ZNF814: variants seen among roughly 807,000 people sequenced by gnomAD.
The protein encoded by ZNF814 is zinc finger protein 814.
A neutral mutation model predicts 7.5 loss-of-function variants in ZNF814; 5 were observed. The observed-to-expected ratio is 0.67, with a 90% CI of 0.35 to 1.40. The LOEUF (loss-of-function observed/expected upper bound fraction) is 1.40. Among genes scored for constraint, ZNF814 ranks in the 40% most tolerant of loss-of-function variants. ZNF814 has a pLI of 0.04. For synonymous variants in ZNF814, 315 were observed against 340.7 expected (o/e 0.92, Z 0.83); for missense variants, 962 against 1,018.0 (o/e 0.94, Z 0.75).
Position 57,873,488 on chromosome 19 carries a change from A to T in ZNF814, c.1902T>A (p.Cys634Ter). ...RMHTGERPYKCGDCGKSFNEK... is the reference protein window; with the variant it reads ...RMHTGERPYK ...CATTAAAAGATTTCCCACAGTCTCCACACTTGTAAGGTCTTTCTCCAGTGT... is the reference window on the plus strand; with the variant it reads ...CATTAAAAGATTTCCCACAGTCTCCTCACTTGTAAGGTCTTTCTCCAGTGT... Residue 634 changes from cysteine to a stop codon, truncating the protein, a stop_gained, in exon 3 of 3, where the codon TGT becomes TGA. Transcript: ENST00000435989. LOFTEE classifies it low-confidence loss of function (END_TRUNC). 5 of 1,614,068 alleles carry T rather than the reference A, an allele frequency of 3.1e-6. No individual in the cohort carries two copies. Among genetic ancestry groups the T allele is most frequent in the Non-Finnish European group, 4.2e-6 (5 of 1,180,008 alleles).
upstream of ZNF814, among the ~76,000 whole-genome samples, chr19:57,889,903 G>A (rs2071725169): frequency 6.6e-6 from 1 of 152,090 alleles, no homozygotes; most frequent in South Asian, 2.1e-4. Context: ...ATAAATAAAA[G>A]ATTGCAGATC....
upstream of ZNF814, among the ~76,000 whole-genome samples, chr19:57,890,334 G>A (rs2071727835): frequency 6.6e-6 from 1 of 151,944 alleles, no homozygotes; most frequent in South Asian, 2.1e-4. Context: ...CGAGACTGGG[G>A]TTTTTTGTTG....
At chr19:57,893,717 G>C (rs958382366), upstream of ZNF814, among the ~76,000 whole-genome samples, 1 of 151,468 alleles carries the variant, frequency 6.6e-6, no homozygotes, top group Non-Finnish European at 1.5e-5. Context: ...CCAGGAGTTC[G>C]AGACCAACCT....
In ZNF814 at chr19:57,873,723, G is replaced by C. The variant is rs933739070; in HGVS notation, c.1667C>G (p.Ser556Cys). The part of the protein sequence containing the change: ...RLYECGECGK[S>C]FSHKGTLILH... ...AATGAGGGTGCCTTTATGACTAAAA[G>C]ATTTCCCACACTCTCCACACTCATA... The change falls in exon 3 of 3, where the codon TCT (serine) becomes TGT (cysteine). Residue 556 changes from serine (S) to cysteine (C), a missense_variant. Around this residue, in one of 7 missense-constraint regions of ZNF814, gnomAD observed 665 missense variants for 551.4 expected, o/e 1.21. Transcript: ENST00000435989. 6.2e-7 allele frequency: 1 copy of C among 1,613,316 alleles called. No homozygotes were observed. The highest frequency in any genetic ancestry group is 1.3e-5 in the African/African-American group (1 of 74,824).
Position 57,874,899 on chromosome 19 carries a change from T to C in ZNF814, c.491A>G (p.His164Arg), listed in dbSNP as rs758287645. 1.2e-6 allele frequency: 2 copies of C among 1,613,850 alleles called. No homozygotes were observed. Among genetic ancestry groups the C allele is most frequent in the Admixed American group, 1.7e-5 (1 of 59,986 alleles). Residue 164 changes from histidine (H) to arginine (R), a missense_variant, in exon 3 of 3, where the codon CAT becomes CGT. His to Arg is a conservative substitution (Grantham distance 29). Transcript: ENST00000435989. The part of the protein sequence containing the change: ...EALFAKRCKL[H>R]VSGESSVFSE... ...GAAGACAGATGACTCCCCTGACACATGCAACTTACACCTCTTTGCAAACAA... is the reference window on the plus strand; with the variant it reads ...GAAGACAGATGACTCCCCTGACACACGCAACTTACACCTCTTTGCAAACAA...
the ZNF814 span, among the ~76,000 whole-genome samples, chr19:57,898,986 T>C: frequency 6.7e-6 from 1 of 149,532 alleles, no homozygotes; most frequent in African/African-American, 2.5e-5. Context: ...AACTGGAGAA[T>C]GTTAACAGAT....
chr19:57,873,195 A>AT lies in ZNF814; in HGVS notation c.2194dup (p.Ile732AsnfsTer14). 6.2e-7 allele frequency: 1 copy of AT among 1,613,058 alleles called. No homozygotes were observed. The highest frequency in any genetic ancestry group is 8.5e-7 in the Non-Finnish European group (1 of 1,179,646). Reference sequence around the variant, plus strand: ...TCCAGTGTGAACTCTCTGATGTGCAATGAGTTGGTACTTGTTTCTAAAAAA... The same window carrying AT: ...TCCAGTGTGAACTCTCTGATGTGCAATTGAGTTGGTACTTGTTTCTAAAAAA... On this transcript the variant is annotated frameshift_variant, in exon 3 of 3. Coordinates refer to ENST00000435989, the MANE Select transcript of ZNF814 (RefSeq NM_001144989.2). LOFTEE classifies it low-confidence loss of function (END_TRUNC).
In ZNF814 at chr19:57,877,000, C is replaced by T; in HGVS notation, c.79G>A (p.Glu27Lys). The T allele has an allele frequency of 1.2e-6, 2 of 1,614,134 alleles. No individual in the cohort carries two copies. The highest frequency in any genetic ancestry group is 8.5e-7 in the Non-Finnish European group (1 of 1,180,010). The change falls in exon 2 of 3, where the codon GAG becomes AAG. Residue 27 changes from glutamate to lysine, a missense_variant. This residue lies in a region of ZNF814 where 63 missense variants were observed against 65.0 expected (regional missense o/e 0.97). Coordinates refer to ENST00000435989, the MANE Select transcript of ZNF814 (RefSeq NM_001144989.2). ...FEDVAVNFTW[E>K]EWNLLSEAQR... is the part of the protein sequence containing the mutation. ...GCCTCACTAAGGAGATTCCATTCCT[C>T]CCAGGTAAAGTTCACAGCCACATCT...
In ZNF814 at chr19:57,883,681, A is replaced by G. The variant is rs546986997; in HGVS notation, c.36+5086T>C. ...GTCTCAAAAAAAAAAAAAAAATCAA[A>G]ATGGATTAAAAAAGACTTAAATCTA... is the stretch of plus-strand genomic sequence containing the variant. On this transcript the variant is annotated intron_variant, in intron 1 of 2. Transcript: ENST00000435989. Among the ~76,000 whole-genome samples the G allele has an allele frequency of 1.2e-3, 182 of 152,044 alleles. 1 individual carries two copies. Among genetic ancestry groups the G allele is most frequent in the Middle Eastern group, 6.9e-3 (2 of 290 alleles).
rs1441784852 is a variant in ZNF814, at chr19:57,874,525, T to G, written c.865A>C (p.Arg289=). 23 of 1,532,016 alleles carry G rather than the reference T, an allele frequency of 1.5e-5. No individual in the cohort carries two copies. The South Asian group carries it at 2.3e-4, about 16-fold the overall frequency. 94.9% of individuals were successfully genotyped at this position (1,532,016 alleles called of 1,614,324 possible). A position where few individuals can be genotyped will look rare whatever the true frequency, so the allele number is the denominator to read the frequency against. The stretch of plus-strand genomic sequence containing the variant: ...TCATGTTTTTTTTCAGTGTGAACTC[T>G]CTGATGATTACTGAAGCTAACATAT... ...SKYVSFSNHQ[R]VHTEKKHECG... The change falls in exon 3 of 3, where the codon AGA becomes CGA. Residue 289 remains arginine, a synonymous_variant. Coordinates refer to ENST00000435989, the MANE Select transcript of ZNF814 (RefSeq NM_001144989.2).
intron 2 of ZNF814, among the ~76,000 whole-genome samples, chr19:57,875,503 C>T (rs912615888): frequency 6.6e-6 from 1 of 152,230 alleles, no homozygotes; most frequent in Non-Finnish European, 1.5e-5. Context: ...CACTCATCTG[C>T]AGAATTTATG....
At chr19:57,889,907 G>A (rs2071725191), upstream of ZNF814, among the ~76,000 whole-genome samples, 1 of 152,160 alleles carries the variant, frequency 6.6e-6, no homozygotes, top group Non-Finnish European at 1.5e-5. Flanking sequence ...ATAAAAGATT[G>A]CAGATCTTTC....
chr19:57,872,753 C>G lies in ZNF814; in HGVS notation c.*69G>C. ...ATCACTGCATTCATATGGCCTTTCTCCAGTGTGAACTCTCTGGTGTGCAAT... is the reference window on the plus strand; with the variant it reads ...ATCACTGCATTCATATGGCCTTTCTGCAGTGTGAACTCTCTGGTGTGCAAT... On this transcript the variant is annotated 3_prime_UTR_variant, in exon 3 of 3. Coordinates refer to ENST00000435989, the MANE Select transcript of ZNF814 (RefSeq NM_001144989.2). The G allele has an allele frequency of 6.2e-7, 1 of 1,607,168 alleles. No individual in the cohort carries two copies.
chr19:57,878,767 T>C (rs1288356329), intron 1 of ZNF814, among the ~76,000 whole-genome samples: 1 of 152,124 alleles, frequency 6.6e-6, no homozygotes, highest in Non-Finnish European at 1.5e-5. Context: ...TCAGATATAT[T>C]ACTTAAGAGT....
At chr19:57,887,446 G>C (rs2071701991) in intron 1 of ZNF814, among the ~76,000 whole-genome samples, 1 of 152,136 alleles carries the variant, frequency 6.6e-6, no homozygotes, top group Admixed American at 6.5e-5. Context: ...CTCTAAACTG[G>C]TTCCATAACG....
chr19:57,900,008 A>G, the ZNF814 span, among the ~76,000 whole-genome samples: 1 of 152,180 alleles, frequency 6.6e-6, no homozygotes, highest in Non-Finnish European at 1.5e-5. Flanking sequence ...CTTGATAATC[A>G]TTATCCTAAA....
chr19:57,872,829 G>C lies in ZNF814; in HGVS notation c.2561C>G (p.Ala854Gly). The C allele has an allele frequency of 6.2e-7, 1 of 1,611,756 alleles. No individual in the cohort carries two copies. Among genetic ancestry groups the C allele is most frequent in the East Asian group, 2.2e-5 (1 of 44,800 alleles). ...LVHQSSHWRK[A>G]I ...TTCTGACAATCCTCACACTCATATG[G>C]CTTTTCTCCAGTGTGAACTCTGGTG... Residue 854 changes from alanine to glycine, a missense_variant, in exon 3 of 3, where the codon GCC (alanine) becomes GGC (glycine). This residue lies in a region of ZNF814 where 665 missense variants were observed against 551.4 expected (regional missense o/e 1.21). Transcript: ENST00000435989.
Position 57,871,965 on chromosome 19 carries a change from G to A in ZNF814, c.*857C>T, listed in dbSNP as rs755150068. Among the ~76,000 whole-genome samples the A allele has an allele frequency of 2.0e-5, 3 of 152,018 alleles. No homozygotes were observed. The highest frequency in any genetic ancestry group is 4.4e-5 in the Non-Finnish European group (3 of 68,000). On this transcript the variant is annotated 3_prime_UTR_variant, in exon 3 of 3. Transcript: ENST00000435989. ...CTCTCCAAAACTTAAAAAAATTAGTGGAGCATGGTAGTGCATGCCTGTGGT... is the reference window on the plus strand; with the variant it reads ...CTCTCCAAAACTTAAAAAAATTAGTAGAGCATGGTAGTGCATGCCTGTGGT...
intron 1 of ZNF814, among the ~76,000 whole-genome samples, chr19:57,888,295 C>T (rs1013993236): frequency 6.6e-6 from 1 of 152,216 alleles, no homozygotes; most frequent in Non-Finnish European, 1.5e-5. Context: ...GAATTGCCTC[C>T]TTCGAACTCC....
Sources: gnomAD v4.1 joint callset for allele counts (sites outside exome capture counted in the v4.1 genomes callset) on GRCh38, gnomAD v4.1.1 for gene constraint, gnomAD v4.1.1 regional missense constraint, MANE v1.5 for transcripts, NCBI Gene and HGNC (gene_info 2026-07-23, HGNC 2026-07-21) for gene names.